CHST2: variants seen among roughly 807,000 people sequenced by gnomAD.
The protein encoded by CHST2 is carbohydrate sulfotransferase 2, also known as N-acetylglucosamine 6-O-sulfotransferase 1.
CHST2 carries 23 observed loss-of-function variants against 34.6 expected under a neutral mutation model. The ratio of observed to expected loss-of-function variants is 0.67; its 90% CI spans 0.48 to 0.94. CHST2 has a LOEUF of 0.94. Among genes scored for constraint, CHST2 ranks in the 40% least tolerant of loss-of-function variants. CHST2 has a pLI of 0.00. For synonymous variants in CHST2, 392 were observed against 343.1 expected (o/e 1.14, Z -1.58); for missense variants, 720 against 759.5 (o/e 0.95, Z 0.61).
At position 143,119,857 on chromosome 3, in the gene CHST2, G is replaced by T. The variant is rs1464556813; in HGVS notation, c.-858G>T. ...CTCCTGGGCGCCGCTTTCGCGCGGC[G>T]GCGGCGGCTGCGGCGGGGTCTTTCT... On this transcript the variant is annotated 5_prime_UTR_variant, in exon 1 of 2. Transcript: ENST00000309575. 2.6e-5 allele frequency: 4 copies of T among 152,984 alleles called. No homozygotes were observed. Among genetic ancestry groups the T allele is most frequent in the Non-Finnish European group, 4.4e-5 (3 of 68,598 alleles). The allele number at this position is 152,984 out of a possible 1,614,324, so 9.5% of individuals were successfully genotyped here.
At position 143,121,142 on chromosome 3, in the gene CHST2, C is replaced by T. The variant is rs764243213; in HGVS notation, c.326C>T (p.Pro109Leu). The T allele has an allele frequency of 1.5e-5, 22 of 1,454,864 alleles. No individual in the cohort carries two copies. The highest frequency in any genetic ancestry group is 2.8e-5 in the East Asian group (1 of 36,088). The allele number at this position is 1,454,864 out of a possible 1,614,324, so 90.1% of individuals were successfully genotyped here. Residue 109 changes from proline to leucine, a missense_variant, in exon 2 of 2, where the codon CCT becomes CTT. Coordinates refer to ENST00000309575, the MANE Select transcript of CHST2 (RefSeq NM_004267.5). Reference sequence around the variant, plus strand: ...GGCAGCTGGGGGCGCCCAGGGCCGCCTCCGGCCGGGCCGCCCCGTGCTCAT... The same window carrying T: ...GGCAGCTGGGGGCGCCCAGGGCCGCTTCCGGCCGGGCCGCCCCGTGCTCAT... ...AGGSWGRPGP[P>L]PAGPPRAHAR...
rs774231772 is a variant in CHST2, at chr3:143,122,292, C to A, written c.1476C>A (p.Ile492=). The A allele has an allele frequency of 1.2e-6, 2 of 1,614,150 alleles. No homozygotes were observed. The highest frequency in any genetic ancestry group is 1.7e-6 in the Non-Finnish European group (2 of 1,180,024). The change falls in exon 2 of 2, where the codon ATC becomes ATA. Residue 492 remains isoleucine, a synonymous_variant. Transcript: ENST00000309575. The part of the protein sequence containing the change: ...AWRTALTFQQ[I]KQVEEFCYQP... ...GGACCGCCCTCACCTTCCAGCAGAT[C>A]AAACAGGTGGAGGAGTTTTGCTACC... is the stretch of plus-strand genomic sequence containing the variant.
Position 143,121,505 on chromosome 3 carries a change from T to C in CHST2, c.689T>C (p.Val230Ala). 1 of 1,611,898 alleles carries C rather than the reference T, an allele frequency of 6.2e-7. No homozygotes were observed. Among genetic ancestry groups the C allele is most frequent in the Non-Finnish European group, 8.5e-7 (1 of 1,179,146 alleles). Residue 230 changes from valine (V) to alanine (A), a missense_variant, in exon 2 of 2, where the codon GTC becomes GCC. Physicochemically the swap from Val to Ala is moderately conservative, Grantham distance 64. Coordinates refer to ENST00000309575, the MANE Select transcript of CHST2 (RefSeq NM_004267.5). ...LSALYRCDLS[V>A]FQLYSPAGSG... ...GCTCTTTACCGCTGCGACCTCTCTG[T>C]CTTCCAGTTGTATAGCCCCGCGGGC...
Position 143,121,503 on chromosome 3 carries a change from T to C in CHST2, c.687T>C (p.Ser229=). The C allele has an allele frequency of 6.2e-7, 1 of 1,611,870 alleles. No individual in the cohort carries two copies. Among genetic ancestry groups the C allele is most frequent in the Non-Finnish European group, 8.5e-7 (1 of 1,179,074 alleles). ...MLSALYRCDL[S]VFQLYSPAGS... is the part of the protein sequence containing the mutation. Reference sequence around the variant, plus strand: ...GCGCTCTTTACCGCTGCGACCTCTCTGTCTTCCAGTTGTATAGCCCCGCGG... The same window carrying C: ...GCGCTCTTTACCGCTGCGACCTCTCCGTCTTCCAGTTGTATAGCCCCGCGG... Residue 229 remains serine, a synonymous_variant, in exon 2 of 2, where the codon TCT becomes TCC. Transcript: ENST00000309575.
rs755961757 is a variant in CHST2, at chr3:143,121,539, G to A, written c.723G>A (p.Gly241=). The change falls in exon 2 of 2, where the codon GGG becomes GGA. Residue 241 remains glycine, a synonymous_variant. Coordinates refer to ENST00000309575, the MANE Select transcript of CHST2 (RefSeq NM_004267.5). ...TGTATAGCCCCGCGGGCAGCGGGGGGCGCAACCTCACCACGCTGGGCATCT... is the reference window on the plus strand; with the variant it reads ...TGTATAGCCCCGCGGGCAGCGGGGGACGCAACCTCACCACGCTGGGCATCT... ...FQLYSPAGSG[G]RNLTTLGIFG... is the part of the protein sequence containing the mutation. 8.1e-6 allele frequency: 13 copies of A among 1,610,674 alleles called. No homozygotes were observed. The highest frequency in any genetic ancestry group is 1.1e-5 in the Non-Finnish European group (13 of 1,178,358).
At position 143,121,685 on chromosome 3, in the gene CHST2, G is replaced by T. The variant is rs753653720; in HGVS notation, c.869G>T (p.Arg290Leu). 6.3e-7 allele frequency: 1 copy of T among 1,578,676 alleles called. No homozygotes were observed. The highest frequency in any genetic ancestry group is 2.3e-5 in the East Asian group (1 of 43,722). Residue 290 changes from arginine to leucine, a missense_variant, in exon 2 of 2, where the codon CGT (arginine) becomes CTT (leucine). Physicochemically the swap from Arg to Leu is moderately radical, Grantham distance 102 (BLOSUM62 -2). Around this residue, in one of 4 missense-constraint regions of CHST2, gnomAD observed 166 missense variants for 211.4 expected, o/e 0.79. Transcript: ENST00000309575. ...AAGTGCCCGCCACAGCGCCTGGCGC[G>T]TTTCGAGGAGGAGTGCCGCAAGTAC... ...CKKCPPQRLA[R>L]FEEECRKYRT...
In CHST2 at chr3:143,121,463, C is replaced by T. The variant is rs576611141; in HGVS notation, c.647C>T (p.Ala216Val). Reference sequence around the variant, plus strand: ...GACGCCGTTTCCCTGCAGGGGGCAGCGCGGGACATGCTGAGCGCTCTTTAC... The same window carrying T: ...GACGCCGTTTCCCTGCAGGGGGCAGTGCGGGACATGCTGAGCGCTCTTTAC... ...PGDAVSLQGA[A>V]RDMLSALYRC... The change falls in exon 2 of 2, where the codon GCG becomes GTG. Residue 216 changes from alanine to valine, a missense_variant. This residue lies in a region of CHST2 where 43 missense variants were observed against 77.6 expected (regional missense o/e 0.55). Transcript: ENST00000309575. 1.9e-6 allele frequency: 3 copies of T among 1,613,304 alleles called. No homozygotes were observed. The highest frequency in any genetic ancestry group is 2.7e-5 in the African/African-American group (2 of 74,942).
rs1210628933 is a variant in CHST2, at chr3:143,122,064, G to A, written c.1248G>A (p.Leu416=). ...CAGCCCTGCAGCCCCCTGACTGGCT[G>A]CAGGGCCACTACCTGGTGGTGCGGT... is the stretch of plus-strand genomic sequence containing the variant. ...LQTALQPPDW[L]QGHYLVVRYE... The change falls in exon 2 of 2, where the codon CTG becomes CTA. Residue 416 remains leucine (L), a synonymous_variant. Coordinates refer to ENST00000309575, the MANE Select transcript of CHST2 (RefSeq NM_004267.5). 6.2e-7 allele frequency: 1 copy of A among 1,614,116 alleles called. No homozygotes were observed. Among genetic ancestry groups the A allele is most frequent in the Non-Finnish European group, 8.5e-7 (1 of 1,179,978 alleles).
Position 143,121,076 on chromosome 3 carries a change from A to G in CHST2, c.260A>G (p.Asn87Ser), listed in dbSNP as rs374335239. The G allele has an allele frequency of 8.8e-5, 133 of 1,510,310 alleles. 2 individuals carry two copies. In the Middle Eastern group the frequency reaches 2.1e-3, roughly 24 times the overall value. The allele number at this position is 1,510,310 out of a possible 1,614,324, so 93.6% of individuals were successfully genotyped here. Residue 87 changes from asparagine (N) to serine (S), a missense_variant, in exon 2 of 2, where the codon AAC becomes AGC. Asn to Ser is a conservative substitution (Grantham distance 46). This residue lies in a region of CHST2 where 287 missense variants were observed against 242.7 expected (regional missense o/e 1.18). Transcript: ENST00000309575. The part of the protein sequence containing the change: ...KWHKEPLQQC[N>S]PDGPLGAAAG... Reference sequence around the variant, plus strand: ...CACAAGGAGCCGCTGCAGCAGTGCAACCCCGATGGGCCGCTGGGTGCCGCA... The same window carrying G: ...CACAAGGAGCCGCTGCAGCAGTGCAGCCCCGATGGGCCGCTGGGTGCCGCA...
rs1162125336 is a variant in CHST2 at position 143,120,875 on chromosome 3, C to A, written c.59C>A (p.Ala20Asp). Residue 20 changes from alanine to aspartate, a missense_variant, in exon 2 of 2, where the codon GCT becomes GAT. Transcript: ENST00000309575. The surrounding 1 kb of genome is among the most constrained non-coding windows in gnomAD (Gnocchi z 4.1). ...GGCGCGCTCCCTCGGCTGCTCCAGG[C>A]TGCGCCTGCAGCCGCGCCGCGTGCC... ...PPGALPRLLQ[A>D]APAAAPRALL... The A allele has an allele frequency of 6.9e-7, 1 of 1,441,730 alleles. No homozygotes were observed. Among genetic ancestry groups the A allele is most frequent in the South Asian group, 1.4e-5 (1 of 70,790 alleles). 89.3% of individuals were successfully genotyped at this position (1,441,730 alleles called of 1,614,324 possible).
Position 143,121,832 on chromosome 3 carries a change from G to A in CHST2, c.1016G>A (p.Ser339Asn). 1 of 1,592,962 alleles carries A rather than the reference G, an allele frequency of 6.3e-7. No individual in the cohort carries two copies. Among genetic ancestry groups the A allele is most frequent in the Non-Finnish European group, 8.6e-7 (1 of 1,166,350 alleles). The change falls in exon 2 of 2, where the codon AGT (serine) becomes AAT (asparagine). Residue 339 changes from serine to asparagine, a missense_variant. Coordinates refer to ENST00000309575, the MANE Select transcript of CHST2 (RefSeq NM_004267.5). ...HLVRDPRAVA[S>N]SRIRSRHGLI... ...GTGCGTGATCCCCGCGCGGTGGCGA[G>A]TTCACGGATCCGCTCGCGCCACGGC...
Position 143,122,352 on chromosome 3 carries a change from C to T in CHST2, c.1536C>T (p.Asn512=). 1 of 1,613,806 alleles carries T rather than the reference C, an allele frequency of 6.2e-7. No homozygotes were observed. Among genetic ancestry groups the T allele is most frequent in the Non-Finnish European group, 8.5e-7 (1 of 1,179,864 alleles). The change falls in exon 2 of 2, where the codon AAC becomes AAT. Residue 512 remains asparagine (N), a synonymous_variant. Coordinates refer to ENST00000309575, the MANE Select transcript of CHST2 (RefSeq NM_004267.5). The part of the protein sequence containing the change: ...PMAVLGYERV[N]SPEEVKDLSK... ...CCGTCCTGGGCTATGAGCGGGTCAA[C>T]AGCCCTGAGGAGGTCAAAGACCTCA...
Position 143,120,858 on chromosome 3 carries a change from C to T in CHST2, c.42C>T (p.Leu14=). 7.3e-7 allele frequency: 1 copy of T among 1,368,824 alleles called. No homozygotes were observed. The highest frequency in any genetic ancestry group is 3.1e-5 in the East Asian group (1 of 32,214). 84.8% of individuals were successfully genotyped at this position (1,368,824 alleles called of 1,614,324 possible). ...SPQRALPPGA[L]PRLLQAAPAA... ...AGCGAGCTCTGCCCCCGGGCGCGCT[C>T]CCTCGGCTGCTCCAGGCTGCGCCTG... is the stretch of plus-strand genomic sequence containing the variant. The change falls in exon 2 of 2, where the codon CTC becomes CTT. Residue 14 remains leucine, a synonymous_variant. Coordinates refer to ENST00000309575, the MANE Select transcript of CHST2 (RefSeq NM_004267.5). The surrounding 1 kb of genome is among the most constrained non-coding windows in gnomAD (Gnocchi z 4.1).
rs775631949 is a variant in CHST2, at chr3:143,122,320, C to T, written c.1504C>T (p.Pro502Ser). The change falls in exon 2 of 2, where the codon CCC becomes TCC. Residue 502 changes from proline to serine, a missense_variant. Physicochemically the swap from Pro to Ser is moderately conservative, Grantham distance 74. Transcript: ENST00000309575. Reference sequence around the variant, plus strand: ...ACAGGTGGAGGAGTTTTGCTACCAGCCCATGGCCGTCCTGGGCTATGAGCG... The same window carrying T: ...ACAGGTGGAGGAGTTTTGCTACCAGTCCATGGCCGTCCTGGGCTATGAGCG... ...IKQVEEFCYQ[P>S]MAVLGYERVN... 4 of 1,614,102 alleles carry T rather than the reference C, an allele frequency of 2.5e-6. No homozygotes were observed. The highest frequency in any genetic ancestry group is 4.5e-5 in the East Asian group (2 of 44,884).
chr3:143,121,223 C>G lies in CHST2; in HGVS notation c.407C>G (p.Ala136Gly). ...CCTCCCGCTGCCGCCGTCGGGGCGG[C>G]TCCTGCAGCCGCGGCAGGGATGGCG... ...YRPPAAAVGA[A>G]PAAAAGMAGV... Residue 136 changes from alanine (A) to glycine (G), a missense_variant, in exon 2 of 2, where the codon GCT (alanine) becomes GGT (glycine). Physicochemically the swap from Ala to Gly is moderately conservative, Grantham distance 60. Coordinates refer to ENST00000309575, the MANE Select transcript of CHST2 (RefSeq NM_004267.5). 1 of 1,576,132 alleles carries G rather than the reference C, an allele frequency of 6.3e-7. No individual in the cohort carries two copies. The highest frequency in any genetic ancestry group is 2.3e-5 in the East Asian group (1 of 43,994).
chr3:143,120,746 C>A lies in CHST2; in HGVS notation c.-71C>A. ...CGGCCCGAGTCCCGGCGCCAGCAGCCAGCCCGCTGCGTCCCCTTCCCGGGC... is the reference window on the plus strand; with the variant it reads ...CGGCCCGAGTCCCGGCGCCAGCAGCAAGCCCGCTGCGTCCCCTTCCCGGGC... On this transcript the variant is annotated 5_prime_UTR_variant, in exon 2 of 2. Transcript: ENST00000309575. This position sits in a 1 kb window ranked among gnomAD's most constrained non-coding sequence, Gnocchi z 4.1. 2 of 1,187,318 alleles carry A rather than the reference C, an allele frequency of 1.7e-6. No homozygotes were observed. Among genetic ancestry groups the A allele is most frequent in the Non-Finnish European group, 2.1e-6 (2 of 958,524 alleles). The allele number at this position is 1,187,318 out of a possible 1,614,324, so 73.5% of individuals were successfully genotyped here. A position where few individuals can be genotyped will look rare whatever the true frequency, so the allele number is the denominator to read the frequency against.
In CHST2 at chr3:143,120,881, C is replaced by T. The variant is rs201667583; in HGVS notation, c.65C>T (p.Pro22Leu). 0.014 allele frequency: 20,259 copies of T among 1,454,176 alleles called. 181 individuals carry two copies. The highest frequency in any genetic ancestry group is 0.016 in the Non-Finnish European group (17,751 of 1,104,626). 90.1% of individuals were successfully genotyped at this position (1,454,176 alleles called of 1,614,324 possible). A position where few individuals can be genotyped will look rare whatever the true frequency, so the allele number is the denominator to read the frequency against. ...GALPRLLQAA[P>L]AAAPRALLPQ... ...CTCCCTCGGCTGCTCCAGGCTGCGC[C>T]TGCAGCCGCGCCGCGTGCCCTGCTC... Residue 22 changes from proline (P) to leucine (L), a missense_variant, in exon 2 of 2, where the codon CCT (proline) becomes CTT (leucine). Physicochemically the swap from Pro to Leu is moderately conservative, Grantham distance 98 (BLOSUM62 -3). Transcript: ENST00000309575. This position sits in a 1 kb window ranked among gnomAD's most constrained non-coding sequence, Gnocchi z 4.1.
chr3:143,121,099 G>A lies in CHST2; in HGVS notation c.283G>A (p.Ala95Thr). Residue 95 changes from alanine to threonine, a missense_variant, in exon 2 of 2, where the codon GCA (alanine) becomes ACA (threonine). Around this residue, in one of 4 missense-constraint regions of CHST2, gnomAD observed 287 missense variants for 242.7 expected, o/e 1.18. Transcript: ENST00000309575. ...CAACCCCGATGGGCCGCTGGGTGCC[G>A]CAGCGGGGGCAGCCGGAGGCAGCTG... ...QCNPDGPLGA[A>T]AGAAGGSWGR... is the part of the protein sequence containing the mutation. The A allele has an allele frequency of 6.7e-7, 1 of 1,494,784 alleles. No individual in the cohort carries two copies. Among genetic ancestry groups the A allele is most frequent in the Admixed American group, 2.3e-5 (1 of 42,846 alleles). The allele number at this position is 1,494,784 out of a possible 1,614,324, so 92.6% of individuals were successfully genotyped here.
Position 143,120,692 on chromosome 3 carries a change from G to A in CHST2, c.-125G>A. The A allele has an allele frequency of 2.1e-6, 2 of 941,288 alleles. No homozygotes were observed. The highest frequency in any genetic ancestry group is 2.7e-6 in the Non-Finnish European group (2 of 743,108). 58.3% of individuals were successfully genotyped at this position (941,288 alleles called of 1,614,324 possible). ...GGGAGAGCCAGCCTTGGGCGCTGGG[G>A]ACCAGCCGCCGCGCCCGCCTCGGAG... On this transcript the variant is annotated 5_prime_UTR_variant, in exon 2 of 2. Coordinates refer to ENST00000309575, the MANE Select transcript of CHST2 (RefSeq NM_004267.5). The surrounding 1 kb of genome is among the most constrained non-coding windows in gnomAD (Gnocchi z 4.1).
Sources: allele counts gnomAD v4.1 joint callset, GRCh38; gene constraint gnomAD v4.1.1; regional missense constraint gnomAD v4.1.1; non-coding constraint Gnocchi (gnomAD v3.1); transcripts MANE v1.5; gene names NCBI Gene and HGNC (gene_info 2026-07-23, HGNC 2026-07-21).